Variants in LRFN2 observed in about 807,000 individuals in gnomAD.
The protein encoded by LRFN2 is leucine rich repeat and fibronectin type III domain containing 2.
LRFN2 carries 18 observed loss-of-function variants against 37.3 expected under a neutral mutation model. The ratio of observed to expected loss-of-function variants is 0.48; its 90% CI spans 0.33 to 0.72. LRFN2 has a LOEUF of 0.72. Ranked by LOEUF, LRFN2 falls within the 30% of genes least tolerant of loss-of-function variation. LRFN2 has a pLI of 0.02. For missense variants in LRFN2, 1,006 were observed against 1,060.7 expected (o/e 0.95, Z 0.72); for synonymous variants, 556 against 466.6 (o/e 1.19, Z -2.47).
chr6:40,565,904 G>T (rs1418775657), intron 1 of LRFN2, among the ~76,000 whole-genome samples: 1 of 151,940 alleles, frequency 6.6e-6, no homozygotes, highest in Non-Finnish European at 1.5e-5. Flanking sequence ...TTAAACTAAA[G>T]AGCTTCTGCA....
intron 1 of LRFN2, among the ~76,000 whole-genome samples, chr6:40,449,742 A>G (rs1012861547): frequency 4.3e-4 from 65 of 152,338 alleles, no homozygotes; most frequent in African/African-American, 1.5e-3. Flanking sequence ...CTTGTAAAAA[A>G]TAGTATAAAG....
At position 40,478,635 on chromosome 6, in the gene LRFN2, C is replaced by T. The variant is rs552219078; in HGVS notation, c.-18-45504G>A. ...CTCACAGAGCAGGTGAATTAACCTG[C>T]TGAGTACCCCAGGGTTGGTCAGTAG... On this transcript the variant is annotated intron_variant, in intron 1 of 2. Coordinates refer to ENST00000338305, the MANE Select transcript of LRFN2 (RefSeq NM_020737.3). 2.0e-5 allele frequency among the ~76,000 whole-genome samples: 3 copies of T among 152,340 alleles called. No homozygotes were observed. The South Asian group carries it at 6.2e-4, about 32-fold the overall frequency.
intron 1 of LRFN2, among the ~76,000 whole-genome samples, chr6:40,514,220 A>G (rs1485435547): frequency 1.3e-5 from 2 of 152,168 alleles, no homozygotes; most frequent in East Asian, 1.9e-4. Context: ...AAAGCGTTCC[A>G]TGCTCCAGAT....
chr6:40,437,704 A>G (rs1474193824), intron 1 of LRFN2, among the ~76,000 whole-genome samples: 1 of 152,168 alleles, frequency 6.6e-6, no homozygotes. Context: ...CCAAGTTGGG[A>G]GGGAGACAAG....
At chr6:40,485,800 A>G (rs564227222) in intron 1 of LRFN2, among the ~76,000 whole-genome samples, 4 of 152,358 alleles carry the variant, frequency 2.6e-5, no homozygotes, top group African/African-American at 7.2e-5. Context: ...GTCTTGATTT[A>G]AGTGCCCCCA....
intron 1 of LRFN2, among the ~76,000 whole-genome samples, chr6:40,548,058 A>G (rs969157013): frequency 6.6e-6 from 1 of 152,190 alleles, no homozygotes; most frequent in Admixed American, 6.5e-5. Flanking sequence ...TTTGGGTCAA[A>G]TCTTGTTCTA....
At chr6:40,525,157 C>A (rs1766212544) in intron 1 of LRFN2, among the ~76,000 whole-genome samples, 1 of 152,170 alleles carries the variant, frequency 6.6e-6, no homozygotes, top group African/African-American at 2.4e-5. Flanking sequence ...CTCTGCTGTC[C>A]CCCTCTGGGG....
chr6:40,533,486 T>A (rs1303389033), intron 1 of LRFN2, among the ~76,000 whole-genome samples: 1 of 151,504 alleles, frequency 6.6e-6, no homozygotes. Flanking sequence ...GACCCTCAAG[T>A]AGTCTTTTCT....
intron 1 of LRFN2, among the ~76,000 whole-genome samples, chr6:40,530,027 G>A (rs1403561134): frequency 2.0e-5 from 3 of 152,162 alleles, no homozygotes; most frequent in Non-Finnish European, 4.4e-5. Context: ...GCCCCTATGG[G>A]TGAATGTGTT....
intron 1 of LRFN2, among the ~76,000 whole-genome samples, chr6:40,515,544 GC>G (rs1489267422): frequency 1.3e-5 from 2 of 152,078 alleles, no homozygotes; most frequent in African/African-American, 4.8e-5. Context: ...CACTCTACCT[GC>G]CCACATGGTA....
chr6:40,455,826 G>A (rs1266753743), intron 1 of LRFN2, among the ~76,000 whole-genome samples: 1 of 152,218 alleles, frequency 6.6e-6, no homozygotes, highest in African/African-American at 2.4e-5. Context: ...TGTTATTAAT[G>A]AAGGTCCCTC....
intron 1 of LRFN2, among the ~76,000 whole-genome samples, chr6:40,582,630 C>T (rs576074803): frequency 2.1e-4 from 31 of 150,936 alleles, no homozygotes; most frequent in Non-Finnish European, 4.6e-4. Flanking sequence ...CCTGATTTTC[C>T]GTTGCATGGA....
chr6:40,578,931 G>T (rs1322829745), intron 1 of LRFN2, among the ~76,000 whole-genome samples: 1 of 152,278 alleles, frequency 6.6e-6, no homozygotes, highest in African/African-American at 2.4e-5. Context: ...TGAGAAAGAT[G>T]CTCCATCCAC....
chr6:40,489,876 A>G (rs556635785), intron 1 of LRFN2, among the ~76,000 whole-genome samples: 1 of 152,208 alleles, frequency 6.6e-6, no homozygotes, highest in South Asian at 2.1e-4. Flanking sequence ...TGCACTCCGT[A>G]GGCATGCCCG....
At position 40,510,346 on chromosome 6, in the gene LRFN2, T is replaced by C. The variant is rs976657748; in HGVS notation, c.-19+76595A>G. Among the ~76,000 whole-genome samples the C allele has an allele frequency of 3.3e-5, 5 of 152,112 alleles. No individual in the cohort carries two copies. The South Asian group carries it at 8.3e-4, about 25-fold the overall frequency. Reference sequence around the variant, plus strand: ...ACATAACTTGAGGGTAAAATGAGAATAGCATCAAGCCAGGTAAGGCTGGAG... The same window carrying C: ...ACATAACTTGAGGGTAAAATGAGAACAGCATCAAGCCAGGTAAGGCTGGAG... On this transcript the variant is annotated intron_variant, in intron 1 of 2. Transcript: ENST00000338305.
chr6:40,556,533 T>C (rs575218460), intron 1 of LRFN2, among the ~76,000 whole-genome samples: 2 of 152,194 alleles, frequency 1.3e-5, no homozygotes, highest in East Asian at 3.9e-4. Flanking sequence ...CAGAAGACTT[T>C]GCCATTAGTC....
intron 1 of LRFN2, chr6:40,502,521 A>C (rs754314506): frequency 2.6e-5 from 4 of 152,230 alleles, no homozygotes; most frequent in African/African-American, 4.8e-5. Flanking sequence ...TCCATGCTGG[A>C]AGCTGGCAGC....
At chr6:40,506,292 G>A (rs1163876555) in intron 1 of LRFN2, among the ~76,000 whole-genome samples, 4 of 152,152 alleles carry the variant, frequency 2.6e-5, no homozygotes, top group Non-Finnish European at 5.9e-5. Flanking sequence ...AAACCATCCG[G>A]GTGGATTTCT....
chr6:40,433,081 A>G lies in LRFN2; in HGVS notation c.33T>C (p.Phe11=). 1.3e-6 allele frequency: 2 copies of G among 1,529,854 alleles called. No individual in the cohort carries two copies. Among genetic ancestry groups the G allele is most frequent in the Non-Finnish European group, 1.8e-6 (2 of 1,139,764 alleles). The allele number at this position is 1,529,854 out of a possible 1,614,324, so 94.8% of individuals were successfully genotyped here. ...CGTCGACCACGGCAAACGCCATGCC[A>G]AACGCTAGCAGGCCACCAAGCAGGG... The part of the protein sequence containing the change: METLLGGLLA[F]GMAFAVVDAC... Residue 11 remains phenylalanine (F), a synonymous_variant, in exon 2 of 3, where the codon TTT becomes TTC. Coordinates refer to ENST00000338305, the MANE Select transcript of LRFN2 (RefSeq NM_020737.3).
Sources: gnomAD v4.1 joint callset for allele counts (sites outside exome capture counted in the v4.1 genomes callset) on GRCh38, gnomAD v4.1.1 for gene constraint, MANE v1.5 for transcripts, NCBI Gene and HGNC (gene_info 2026-07-23, HGNC 2026-07-21) for gene names.